Variants in FAM83G observed in about 807,000 individuals in gnomAD.
The protein encoded by FAM83G is scaffolding CK1 anchoring protein G, also known as protein FAM83G.
Under a neutral mutation model 61.5 loss-of-function variants are expected in FAM83G, and 38 were observed. The ratio of observed to expected loss-of-function variants is 0.62; its 90% CI spans 0.48 to 0.81. The LOEUF (loss-of-function observed/expected upper bound fraction) is 0.81, where lower values mean the gene tolerates loss of function less well. Ranked by LOEUF, FAM83G falls within the 30% of genes least tolerant of loss-of-function variation. FAM83G has a pLI of 0.00. For synonymous variants in FAM83G, 470 were observed against 476.1 expected (o/e 0.99, Z 0.17); for missense variants, 989 against 1,133.6 (o/e 0.87, Z 1.83).
intron 3 of FAM83G, among the ~76,000 whole-genome samples, chr17:18,982,213 A>G (rs1362886440): frequency 6.6e-6 from 1 of 152,148 alleles, no homozygotes; most frequent in Non-Finnish European, 1.5e-5. Context: ...CTCCCTTAGC[A>G]CACAGCAGGG....
intron 2 of FAM83G, among the ~76,000 whole-genome samples, chr17:18,999,646 C>G: frequency 6.6e-6 from 1 of 152,244 alleles, no homozygotes; most frequent in East Asian, 1.9e-4. Flanking sequence ...TAAGCTGCTT[C>G]TATTCTCTCA....
At chr17:18,983,284 C>T (rs543090299) in intron 3 of FAM83G, among the ~76,000 whole-genome samples, 1 of 152,394 alleles carries the variant, frequency 6.6e-6, no homozygotes, top group Admixed American at 6.5e-5. Flanking sequence ...CGTGAGGCAT[C>T]ACTATGGCCA....
intron 2 of FAM83G, among the ~76,000 whole-genome samples, chr17:18,999,687 G>A (rs967159730): frequency 6.6e-6 from 1 of 152,244 alleles, no homozygotes; most frequent in African/African-American, 2.4e-5. Context: ...ACTTCAGTGT[G>A]TGAAGGCGGG....
intron 2 of FAM83G, among the ~76,000 whole-genome samples, chr17:18,993,112 C>A (rs1180758860): frequency 3.3e-5 from 5 of 152,268 alleles, no homozygotes; most frequent in Non-Finnish European, 7.4e-5. Context: ...ACCACGGGTG[C>A]ACAGGCCCAG....
At position 18,968,861 on chromosome 17, in the gene FAM83G, T is replaced by C. The variant is rs1041496623; in HGVS notation, c.*2498A>G. 2.5e-5 allele frequency: 15 copies of C among 591,374 alleles called. No individual in the cohort carries two copies. In the Admixed American group the frequency reaches 4.3e-4, roughly 17 times the overall value. The allele number at this position is 591,374 out of a possible 1,614,324, so 36.6% of individuals were successfully genotyped here. On this transcript the variant is annotated 3_prime_UTR_variant, in exon 6 of 6. Coordinates refer to ENST00000388995, the MANE Select transcript of FAM83G (RefSeq NM_001039999.3). The surrounding 1 kb of genome is among the most constrained non-coding windows in gnomAD (Gnocchi z 4.1). ...GTCCCCTGACATCCGCACAAGCTTG[T>C]AGCTCCACGGCCAGGTCTTCCCCCA...
rs781718949 is a variant in FAM83G, at chr17:18,978,235, G to A, written c.1431C>T (p.Pro477=). The change falls in exon 5 of 6, where the codon CCC becomes CCT. Residue 477 remains proline (P), a synonymous_variant. Coordinates refer to ENST00000388995, the MANE Select transcript of FAM83G (RefSeq NM_001039999.3). ...CGTCCTGGGGGGCACTGGGCTCTGG[G>A]GGAGGGCAAGGCTCTGGACGGGGCC... ...DSRPRPEPCP[P]PEPSAPQDGV... is the part of the protein sequence containing the mutation. 10 of 1,590,104 alleles carry A rather than the reference G, an allele frequency of 6.3e-6. No homozygotes were observed. The South Asian group carries it at 1.0e-4, about 16-fold the overall frequency.
At chr17:18,976,608 A>G in intron 5 of FAM83G, 3 of 502,454 alleles carry the variant, frequency 6.0e-6, no homozygotes, top group Middle Eastern at 5.1e-4. Flanking sequence ...TCCCCTATTG[A>G]CAGGTCAGGG....
Position 19,003,528 on chromosome 17 carries a change from C to T in FAM83G, c.514G>A (p.Ala172Thr). Reference protein sequence around the residue: ...KEVVRKMISQAQKVIAVVMDM... With the variant: ...KEVVRKMISQTQKVIAVVMDM... The stretch of plus-strand genomic sequence containing the variant: ...TCCCCGCGCTGCCTCACCTTCTGTG[C>T]CTGGCTGATCATCTTCCGCACCACC... The change falls in exon 2 of 6, where the codon GCA becomes ACA. Residue 172 changes from alanine to threonine, a missense_variant. Ala to Thr is a moderately conservative substitution (Grantham distance 58). Transcript: ENST00000388995. This position sits in a 1 kb window ranked among gnomAD's most constrained non-coding sequence, Gnocchi z 4.5. The T allele has an allele frequency of 6.5e-7, 1 of 1,535,530 alleles. No individual in the cohort carries two copies. Among genetic ancestry groups the T allele is most frequent in the Non-Finnish European group, 8.8e-7 (1 of 1,140,268 alleles).
chr17:18,974,811 G>A (rs945232943), intron 5 of FAM83G, among the ~76,000 whole-genome samples: 2 of 152,324 alleles, frequency 1.3e-5, no homozygotes, highest in Admixed American at 1.3e-4. Flanking sequence ...TGGCCACTCA[G>A]GGAGTGAGTG....
chr17:18,993,657 G>C (rs971750298), intron 2 of FAM83G, among the ~76,000 whole-genome samples: 1 of 152,212 alleles, frequency 6.6e-6, no homozygotes, highest in Non-Finnish European at 1.5e-5. Context: ...CAAGTCCCTA[G>C]GCCTCTCTGG....
intron 3 of FAM83G, among the ~76,000 whole-genome samples, chr17:18,985,686 G>A (rs908770988): frequency 3.3e-5 from 5 of 152,322 alleles, no homozygotes; most frequent in African/African-American, 4.8e-5. Flanking sequence ...GCTCAGAGGC[G>A]AGAATGAGGA....
At chr17:18,999,925 G>GC (rs2043685102) in intron 2 of FAM83G, among the ~76,000 whole-genome samples, 1 of 152,202 alleles carries the variant, frequency 6.6e-6, no homozygotes, top group Non-Finnish European at 1.5e-5. Context: ...TCCTGCTAAG[G>GC]CCCCCCTGCT....
Position 18,988,246 on chromosome 17 carries a change from C to T in FAM83G, c.690+1G>A. The T allele has an allele frequency of 6.2e-7, 1 of 1,607,988 alleles. No homozygotes were observed. Among genetic ancestry groups the T allele is most frequent in the Non-Finnish European group, 8.5e-7 (1 of 1,175,036 alleles). ...CCCAGGCAAGTGAGGAGCCTGCTCACCTTGAGGTGCCCCAGGTGCATGCAG... is the reference window on the plus strand; with the variant it reads ...CCCAGGCAAGTGAGGAGCCTGCTCATCTTGAGGTGCCCCAGGTGCATGCAG... On this transcript the variant is annotated splice_donor_variant, in intron 3 of 5. Coordinates refer to ENST00000388995, the MANE Select transcript of FAM83G (RefSeq NM_001039999.3). LOFTEE classifies it high-confidence loss of function.
At position 18,971,695 on chromosome 17, in the gene FAM83G, G is replaced by A. The variant is rs187116335; in HGVS notation, c.2136C>T (p.Asp712=). The A allele has an allele frequency of 1.7e-4, 268 of 1,605,586 alleles. No homozygotes were observed. The Middle Eastern group carries it at 2.6e-3, about 16-fold the overall frequency. ...RVPASGTRDK[D]GFPGPPRYRS... is the part of the protein sequence containing the mutation. ...GGTACCTAGGGGGTCCTGGGAAGCC[G>A]TCTTTATCCCTAGTCCCTGAGGCAG... Residue 712 remains aspartate (D), a synonymous_variant, in exon 6 of 6, where the codon GAC becomes GAT. Transcript: ENST00000388995. The surrounding 1 kb of genome is among the most constrained non-coding windows in gnomAD (Gnocchi z 5.5).
At position 18,979,672 on chromosome 17, in the gene FAM83G, TTC is replaced by T. The variant is rs1396147667; in HGVS notation, c.691-1_691del. The T allele has an allele frequency of 6.2e-7, 1 of 1,613,224 alleles. No individual in the cohort carries two copies. The highest frequency in any genetic ancestry group is 1.7e-5 in the Admixed American group (1 of 60,008). ...TCCCCCGCTGCTCCGCACTCTGAGA[TTC>T]TGTTTTGGGAACCAAGAGACAGAAT... On this transcript the variant is annotated splice_acceptor_variant and coding_sequence_variant, in exon 4 of 6. Transcript: ENST00000388995. LOFTEE classifies it high-confidence loss of function.
intron 5 of FAM83G, chr17:18,976,875 T>A: frequency 6.2e-7 from 1 of 1,613,610 alleles, no homozygotes; most frequent in Non-Finnish European, 8.5e-7. Flanking sequence ...GCGATCACTG[T>A]CAGCCCGGGA....
At chr17:18,999,284 A>G (rs75256490) in intron 2 of FAM83G, among the ~76,000 whole-genome samples, 2 of 144,484 alleles carry the variant, frequency 1.4e-5, no homozygotes, top group African/African-American at 2.6e-5. Flanking sequence ...TCTCAAGAAG[A>G]AAAAAAAAAA....
intron 5 of FAM83G, chr17:18,976,726 T>C (rs560493309): frequency 2.4e-6 from 3 of 1,274,648 alleles, no homozygotes; most frequent in African/African-American, 1.5e-5. Context: ...TGTGGCTGTT[T>C]TGGGCAGGTC....
chr17:18,977,364 C>T, intron 5 of FAM83G: 1 of 596,138 alleles, frequency 1.7e-6, no homozygotes, highest in Non-Finnish European at 2.9e-6. Flanking sequence ...GTTGCCTTTT[C>T]AGGATGCTGG....
Sources: gnomAD v4.1 joint callset for allele counts (sites outside exome capture counted in the v4.1 genomes callset) on GRCh38, gnomAD v4.1.1 for gene constraint, Gnocchi (gnomAD v3.1) non-coding constraint, MANE v1.5 for transcripts, NCBI Gene and HGNC (gene_info 2026-07-23, HGNC 2026-07-21) for gene names.